CTNNA3: variants seen among roughly 807,000 people sequenced by gnomAD.
CTNNA3 encodes catenin alpha-3.
CTNNA3 carries 76 observed loss-of-function variants against 95.7 expected under a neutral mutation model. That is an observed-to-expected ratio of 0.79 (90% CI 0.66 to 0.96). The LOEUF is 0.96. Ranked by LOEUF, CTNNA3 falls within the 40% of genes least tolerant of loss-of-function variation. The pLI, the probability that CTNNA3 is intolerant of heterozygous loss-of-function variation, is 0.00. For synonymous variants in CTNNA3, 431 were observed against 374.4 expected (o/e 1.15, Z -1.74); for missense variants, 1,191 against 1,089.8 (o/e 1.09, Z -1.31).
chr10:67,661,126 T>G (rs974573380), intron 1 of CTNNA3, among the ~76,000 whole-genome samples: 4 of 152,000 alleles, frequency 2.6e-5, no homozygotes, highest in Non-Finnish European at 5.9e-5. Context: ...TGTATATGTA[T>G]ATGTATGTAT....
intron 11 of CTNNA3, among the ~76,000 whole-genome samples, chr10:66,391,058 C>T (rs1484155186): frequency 1.4e-5 from 2 of 147,034 alleles, no homozygotes; most frequent in Non-Finnish European, 3.1e-5. Flanking sequence ...CCGCCCAATA[C>T]AATAGTCAAA....
intron 11 of CTNNA3, among the ~76,000 whole-genome samples, chr10:66,439,142 A>G (rs964106549): frequency 3.3e-5 from 5 of 152,160 alleles, no homozygotes; most frequent in South Asian, 2.1e-4. Context: ...CTATTCAGCC[A>G]TCTTCTATTC....
chr10:67,751,202 G>C (rs1470216100), intron 1 of CTNNA3: 1 of 1,285,164 alleles, frequency 7.8e-7, no homozygotes, highest in East Asian at 2.3e-5. Context: ...CCTCTCATTT[G>C]GAGGACTATC....
intron 5 of CTNNA3, among the ~76,000 whole-genome samples, chr10:67,353,851 G>A (rs1251741913): frequency 6.6e-6 from 1 of 152,016 alleles, no homozygotes; most frequent in Admixed American, 6.6e-5. Context: ...AGACTGGAAT[G>A]AAGAGGAAGG....
intron 5 of CTNNA3, among the ~76,000 whole-genome samples, chr10:67,288,617 C>T (rs532467142): frequency 3.3e-5 from 5 of 152,148 alleles, no homozygotes; most frequent in African/African-American, 4.8e-5. Flanking sequence ...TAAAACTATG[C>T]TAAAACTACA....
intron 11 of CTNNA3, among the ~76,000 whole-genome samples, chr10:66,394,114 T>A (rs565522993): frequency 6.6e-6 from 1 of 152,188 alleles, no homozygotes; most frequent in African/African-American, 2.4e-5. Flanking sequence ...TAATTTTCAT[T>A]GAGCATAAGA....
intron 5 of CTNNA3, among the ~76,000 whole-genome samples, chr10:67,261,810 G>T (rs1353952836): frequency 6.6e-6 from 1 of 152,146 alleles, no homozygotes; most frequent in Non-Finnish European, 1.5e-5. Context: ...TCAGAAAAGA[G>T]AAATCAGAGA....
At chr10:66,632,555 CAAAAA>C (rs10559608) in intron 9 of CTNNA3, among the ~76,000 whole-genome samples, 17,167 of 101,022 alleles carry the variant, frequency 0.17, 1,077 homozygotes, top group Middle Eastern at 0.27. Flanking sequence ...AACTCCATCT[CAAAAA>C]AAAAAAAAAA....
At chr10:66,198,242 A>G (rs2087090669) in intron 13 of CTNNA3, among the ~76,000 whole-genome samples, 1 of 152,060 alleles carries the variant, frequency 6.6e-6, no homozygotes, top group African/African-American at 2.4e-5. Context: ...CCTTAATTCT[A>G]TTCTCTTGTG....
intron 2 of CTNNA3, among the ~76,000 whole-genome samples, chr10:67,611,598 G>A (rs947635456): frequency 9.9e-5 from 15 of 152,218 alleles, no homozygotes; most frequent in Middle Eastern, 3.2e-3. Context: ...TTACAGGCGT[G>A]AGCCACTGCG....
intron 7 of CTNNA3, among the ~76,000 whole-genome samples, chr10:67,173,807 T>C (rs1048938754): frequency 6.6e-6 from 1 of 152,210 alleles, no homozygotes; most frequent in Non-Finnish European, 1.5e-5. Context: ...ACTTCTAACA[T>C]ATGAGGAATG....
At chr10:67,583,737 T>G (rs1000568852) in intron 3 of CTNNA3, among the ~76,000 whole-genome samples, 2 of 152,240 alleles carry the variant, frequency 1.3e-5, no homozygotes, top group Non-Finnish European at 2.9e-5. Context: ...GTCCCCTATT[T>G]CTTGGAGGCT....
chr10:66,986,378 T>G (rs1022263503), intron 7 of CTNNA3, among the ~76,000 whole-genome samples: 1 of 151,946 alleles, frequency 6.6e-6, no homozygotes, highest in African/African-American at 2.4e-5. Flanking sequence ...ATGCCTATAG[T>G]CCCAGCTACT....
chr10:66,333,059 G>A (rs1164780147), intron 12 of CTNNA3, among the ~76,000 whole-genome samples: 1 of 151,708 alleles, frequency 6.6e-6, no homozygotes, highest in Non-Finnish European at 1.5e-5. Flanking sequence ...TATTTCTGTG[G>A]GATCGGTGGT....
intron 7 of CTNNA3, among the ~76,000 whole-genome samples, chr10:66,971,509 T>C (rs1266430198): frequency 6.6e-6 from 1 of 152,212 alleles, no homozygotes. Flanking sequence ...GTACTCTTTA[T>C]AATTTGTATG....
At chr10:66,980,565 T>TTCTGTTTCCCAAGCAAAA (rs1564809959) in intron 7 of CTNNA3, among the ~76,000 whole-genome samples, 8 of 152,088 alleles carry the variant, frequency 5.3e-5, no homozygotes, top group Non-Finnish European at 7.4e-5. Flanking sequence ...GAGACCTTCC[T>TTCTGTTTCCCAAGCAAAA]ACCCACCTGT....
intron 5 of CTNNA3, among the ~76,000 whole-genome samples, chr10:67,233,207 C>T (rs1396782985): frequency 6.6e-6 from 1 of 152,096 alleles, no homozygotes; most frequent in African/African-American, 2.4e-5. Flanking sequence ...ACAGAATATA[C>T]ATTTTTTTCA....
intron 1 of CTNNA3, among the ~76,000 whole-genome samples, chr10:67,747,600 C>T (rs1841380736): frequency 2.0e-5 from 3 of 152,198 alleles, no homozygotes; most frequent in Non-Finnish European, 1.5e-5. Context: ...AAAAACCCAT[C>T]CAAAGGTCAG....
chr10:66,076,429 C>A (rs1055089002), intron 14 of CTNNA3, among the ~76,000 whole-genome samples: 6 of 151,498 alleles, frequency 4.0e-5, no homozygotes, highest in African/African-American at 1.5e-4. Flanking sequence ...TCATTAAGAG[C>A]AATTTTCTGT....
Sources: allele counts gnomAD v4.1 joint callset (sites outside exome capture counted in the v4.1 genomes callset), GRCh38; gene constraint gnomAD v4.1.1; transcripts MANE v1.5; gene names NCBI Gene and HGNC (gene_info 2026-07-23, HGNC 2026-07-21).